The following ZSWIM5 variants were observed in gnomAD, a reference collection of about 807,000 sequenced individuals.
ZSWIM5 encodes zinc finger SWIM-type containing 5.
A neutral mutation model predicts 119.6 loss-of-function variants in ZSWIM5; 55 were observed. That is an observed-to-expected ratio of 0.46 (90% CI 0.37 to 0.58). The LOEUF is 0.58. Ranked by LOEUF, ZSWIM5 falls within the 20% of genes least tolerant of loss-of-function variation. The pLI, the probability that ZSWIM5 is intolerant of heterozygous loss-of-function variation, is 0.00. For synonymous variants in ZSWIM5, 537 were observed against 606.9 expected, an observed-to-expected ratio of 0.88 and a Z score of 1.69; for missense variants, 1,193 against 1,512.8, an observed-to-expected ratio of 0.79 and a Z score of 3.51.
intron 4 of ZSWIM5, among the ~76,000 whole-genome samples, chr1:45,053,854 CA>C (rs1162232031): frequency 1.3e-5 from 2 of 148,804 alleles, no homozygotes; most frequent in Non-Finnish European, 3.0e-5. Flanking sequence ...TTATTAATTA[CA>C]TCCTTATAAA....
intron 1 of ZSWIM5, among the ~76,000 whole-genome samples, chr1:45,143,129 G>A (rs1240427653): frequency 4.2e-5 from 6 of 143,422 alleles, no homozygotes; most frequent in Non-Finnish European, 7.5e-5. Flanking sequence ...CTGAGATTGT[G>A]CTACTGCACT....
Position 45,018,272 on chromosome 1 carries a change from G to T in ZSWIM5, c.*182C>A. 1.3e-6 allele frequency: 1 copy of T among 752,834 alleles called. No individual in the cohort carries two copies. The highest frequency in any genetic ancestry group is 2.1e-6 in the Non-Finnish European group (1 of 477,486). The allele number at this position is 752,834 out of a possible 1,614,324, so 46.6% of individuals were successfully genotyped here. A position where few individuals can be genotyped will look rare whatever the true frequency, so the allele number is the denominator to read the frequency against. Reference sequence around the variant, plus strand: ...CATGAACAGTAGGCTGTAGTCAGAAGCTTGCCAAGGTAGGCATTATCGACT... The same window carrying T: ...CATGAACAGTAGGCTGTAGTCAGAATCTTGCCAAGGTAGGCATTATCGACT... On this transcript the variant is annotated 3_prime_UTR_variant, in exon 14 of 14. Transcript: ENST00000359600. This position sits in a 1 kb window ranked among gnomAD's most constrained non-coding sequence, Gnocchi z 6.7.
chr1:45,162,664 G>A lies in ZSWIM5; in HGVS notation c.595+43092C>T, dbSNP rs371481374. Among the ~76,000 whole-genome samples, 30 of 152,340 alleles carry A rather than the reference G, an allele frequency of 2.0e-4. 2 individuals are homozygous for A. In the South Asian group the frequency reaches 6.2e-3, roughly 32 times the overall value. On this transcript the variant is annotated intron_variant, in intron 1 of 13. Coordinates refer to ENST00000359600, the MANE Select transcript of ZSWIM5 (RefSeq NM_020883.2). ...ACGATCTTAGCAAACAGCACACCAG[G>A]AGATTATATCCCGTGCCTGGCTTGG...
At chr1:45,053,762 C>CA (rs10675427) in intron 4 of ZSWIM5, among the ~76,000 whole-genome samples, 17,911 of 92,058 alleles carry the variant, frequency 0.19, 3,433 homozygotes, top group African/African-American at 0.44. Context: ...GACTCTGTTT[C>CA]AAAAAAAAAA....
intron 1 of ZSWIM5, among the ~76,000 whole-genome samples, chr1:45,137,969 TTGGCC>T (rs1645699764): frequency 6.6e-6 from 1 of 152,068 alleles, no homozygotes; most frequent in African/African-American, 2.4e-5. Flanking sequence ...AGAGATCACA[TTGGCC>T]TGAATTAGGG....
At position 45,017,048 on chromosome 1, in the gene ZSWIM5, T is replaced by G. The variant is rs920049373; in HGVS notation, c.*1406A>C. The G allele has an allele frequency of 6.6e-6, 1 of 152,208 alleles. No individual in the cohort carries two copies. The highest frequency in any genetic ancestry group is 6.5e-5 in the Admixed American group (1 of 15,280). 9.4% of individuals were successfully genotyped at this position (152,208 alleles called of 1,614,324 possible). On this transcript the variant is annotated 3_prime_UTR_variant, in exon 14 of 14. Coordinates refer to ENST00000359600, the MANE Select transcript of ZSWIM5 (RefSeq NM_020883.2). ...CAAGTATGAGGCGAGAAGAGAACTA[T>G]GGAGCTAAAGCAGCCAATCTGATGG...
chr1:45,023,365 T>C (rs1644899746), intron 11 of ZSWIM5, among the ~76,000 whole-genome samples: 1 of 152,138 alleles, frequency 6.6e-6, no homozygotes, highest in South Asian at 2.1e-4. Context: ...CTGGCTTTTT[T>C]CTTTCTTCTT....
intron 1 of ZSWIM5, among the ~76,000 whole-genome samples, chr1:45,159,183 ATAAGTTAGTG>A (rs2149040692): frequency 6.6e-6 from 1 of 152,320 alleles, no homozygotes; most frequent in East Asian, 1.9e-4. Flanking sequence ...ATAACTTCAT[ATAAGTTAGTG>A]TAAGTTATAG....
At chr1:45,068,572 G>A (rs188870589) in intron 2 of ZSWIM5, among the ~76,000 whole-genome samples, 3 of 151,692 alleles carry the variant, frequency 2.0e-5, no homozygotes, top group Admixed American at 2.0e-4. Flanking sequence ...TCAAGGACAT[G>A]AAGGTGTTCT....
chr1:45,059,486 G>A (rs1202029328), intron 3 of ZSWIM5, among the ~76,000 whole-genome samples: 3 of 152,104 alleles, frequency 2.0e-5, no homozygotes, highest in Non-Finnish European at 4.4e-5. Context: ...TAGATTAGTG[G>A]TTTCTTAGGG....
rs1217626641 is a variant in ZSWIM5, at chr1:45,088,439, AC to A, written c.596-203del. 6.6e-6 allele frequency among the ~76,000 whole-genome samples: 1 copy of A among 152,168 alleles called. No individual in the cohort carries two copies. The highest frequency in any genetic ancestry group is 1.9e-4 in the East Asian group (1 of 5,200). On this transcript the variant is annotated intron_variant, in intron 1 of 13. Coordinates refer to ENST00000359600, the MANE Select transcript of ZSWIM5 (RefSeq NM_020883.2). This position sits in a 1 kb window ranked among gnomAD's most constrained non-coding sequence, Gnocchi z 4.2. ...AACACACAATATAGAAAGAGTCCTC[AC>A]CCTGGAGTTCGTGAACCTCCTGAAC...
At chr1:45,129,368 A>T (rs1192561057) in intron 1 of ZSWIM5, among the ~76,000 whole-genome samples, 2 of 151,932 alleles carry the variant, frequency 1.3e-5, no homozygotes, top group African/African-American at 4.8e-5. Context: ...CATGTTAGCC[A>T]GGATGGTCTC....
intron 1 of ZSWIM5, among the ~76,000 whole-genome samples, chr1:45,139,750 G>C (rs1469681289): frequency 7.4e-6 from 1 of 134,450 alleles, no homozygotes; most frequent in Non-Finnish European, 1.6e-5. Context: ...TGTTGCCCAG[G>C]CTGGTCTCAA....
intron 1 of ZSWIM5, among the ~76,000 whole-genome samples, chr1:45,181,010 TC>T (rs1646014408): frequency 6.6e-6 from 1 of 151,838 alleles, no homozygotes; most frequent in Non-Finnish European, 1.5e-5. Flanking sequence ...AACTGGAAAC[TC>T]TAAAAAGCAG....
intron 1 of ZSWIM5, 32 bp downstream of exon 1, chr1:45,205,724 G>A (rs1354265489): frequency 1.3e-6 from 2 of 1,516,822 alleles, no homozygotes; most frequent in Middle Eastern, 1.7e-4. Context: ...AGAGGAGGCT[G>A]AGGACCCGAG....
At chr1:45,141,967 C>T (rs1645730395) in intron 1 of ZSWIM5, among the ~76,000 whole-genome samples, 1 of 151,984 alleles carries the variant, frequency 6.6e-6, no homozygotes, top group African/African-American at 2.4e-5. Context: ...TCTTATATTA[C>T]TATATGAGAG....
chr1:45,202,639 G>A (rs1287825994), intron 1 of ZSWIM5, among the ~76,000 whole-genome samples: 1 of 151,984 alleles, frequency 6.6e-6, no homozygotes, highest in African/African-American at 2.4e-5. Context: ...GATGTACCAG[G>A]CGCAGAAGGC....
intron 11 of ZSWIM5, among the ~76,000 whole-genome samples, chr1:45,028,967 T>C (rs996025676): frequency 1.3e-5 from 2 of 152,096 alleles, no homozygotes; most frequent in Admixed American, 6.5e-5. Flanking sequence ...ATAATTTTAC[T>C]TACAGAAAAG....
In ZSWIM5 at chr1:45,039,157, C is replaced by A. The variant is rs531006863; in HGVS notation, c.1757-84G>T. The A allele has an allele frequency of 2.8e-5, 42 of 1,497,472 alleles. No homozygotes were observed. In the South Asian group the frequency reaches 4.7e-4, roughly 17 times the overall value. The allele number at this position is 1,497,472 out of a possible 1,614,324, so 92.8% of individuals were successfully genotyped here. A position where few individuals can be genotyped will look rare whatever the true frequency, so the allele number is the denominator to read the frequency against. ...TGCCTGGGTCTTCTTATCAGTCTCT[C>A]CAGCCTTGACCCTGAGAGTCAAATA... is the stretch of plus-strand genomic sequence containing the variant. On this transcript the variant is annotated intron_variant, in intron 7 of 13. Coordinates refer to ENST00000359600, the MANE Select transcript of ZSWIM5 (RefSeq NM_020883.2).
Sources: allele counts gnomAD v4.1 joint callset (sites outside exome capture counted in the v4.1 genomes callset), GRCh38; gene constraint gnomAD v4.1.1; non-coding constraint Gnocchi (gnomAD v3.1); transcripts MANE v1.5; gene names NCBI Gene and HGNC (gene_info 2026-07-23, HGNC 2026-07-21).